The following GIT2 variants were observed in gnomAD, a reference collection of about 807,000 sequenced individuals.
GIT2 encodes the protein GIT ArfGAP 2.
GIT2 carries 32 observed loss-of-function variants against 100.3 expected under a neutral mutation model. That is an observed-to-expected ratio of 0.32 (90% CI 0.24 to 0.43). The LOEUF is 0.43. GIT2 is among the 20% of genes least tolerant of loss of function. The pLI, the probability that GIT2 is intolerant of heterozygous loss-of-function variation, is 1.00. For synonymous variants in GIT2, 353 were observed against 364.1 expected, an observed-to-expected ratio of 0.97 and a Z score of 0.35; for missense variants, 737 against 975.1, an observed-to-expected ratio of 0.76 and a Z score of 3.25.
At chr12:109,999,503 C>T (rs568877117), upstream of GIT2, 4 of 310,536 alleles carry the variant, frequency 1.3e-5, no homozygotes, top group East Asian at 2.2e-4. This position sits in a 1 kb window ranked among gnomAD's most constrained non-coding sequence, Gnocchi z 4.3. Flanking sequence ...CGACCTGGTC[C>T]CTGAGCCGGC....
At chr12:109,942,843 C>A (rs926542897) in intron 16 of GIT2, 1 of 152,134 alleles carries the variant, frequency 6.6e-6, no homozygotes, top group African/African-American at 2.4e-5. Flanking sequence ...GTTACTTACA[C>A]GTTAGTTAAG....
chr12:109,967,758 T>C (rs1344707491), intron 7 of GIT2, among the ~76,000 whole-genome samples: 2 of 152,236 alleles, frequency 1.3e-5, no homozygotes, highest in Non-Finnish European at 2.9e-5. Context: ...ACGATTAGTT[T>C]GCCCTCAGTG....
At chr12:109,956,636 T>C (rs563475531) in intron 12 of GIT2, among the ~76,000 whole-genome samples, 1 of 152,340 alleles carries the variant, frequency 6.6e-6, no homozygotes, top group South Asian at 2.1e-4. Flanking sequence ...TGTATTTATA[T>C]TTACATGTGG....
intron 1 of GIT2, among the ~76,000 whole-genome samples, chr12:109,992,295 C>T (rs531647100): frequency 2.7e-5 from 4 of 150,432 alleles, no homozygotes; most frequent in Non-Finnish European, 4.4e-5. Flanking sequence ...TACAGGCATG[C>T]ACCACCACGC....
intron 4 of GIT2, among the ~76,000 whole-genome samples, chr12:109,987,952 T>C (rs1460725251): frequency 1.3e-5 from 2 of 152,198 alleles, no homozygotes; most frequent in Non-Finnish European, 2.9e-5. Flanking sequence ...CTGTGTACTA[T>C]AGCTTTGAGT....
At chr12:109,995,987 G>C (rs1593181759) in intron 1 of GIT2, 186 bp downstream of exon 1, 2 of 476,278 alleles carry the variant, frequency 4.2e-6, no homozygotes. Context: ...CGAGGGACGG[G>C]GAGGGCGGCG....
chr12:109,946,105 G>T (rs1179795390), intron 15 of GIT2, among the ~76,000 whole-genome samples: 1 of 152,210 alleles, frequency 6.6e-6, no homozygotes, highest in African/African-American at 2.4e-5. Context: ...CTGCACTCCA[G>T]CCTGGGTGAC....
chr12:109,987,157 AG>A (rs1356171964), intron 4 of GIT2, among the ~76,000 whole-genome samples: 4 of 151,490 alleles, frequency 2.6e-5, no homozygotes, highest in African/African-American at 9.7e-5. Context: ...CCGAGGCGGG[AG>A]GATCACGAGG....
intron 7 of GIT2, among the ~76,000 whole-genome samples, chr12:109,972,599 A>G (rs760190329): frequency 2.0e-5 from 3 of 151,742 alleles, no homozygotes; most frequent in Non-Finnish European, 4.4e-5. Context: ...CCTCCCAAGT[A>G]GCTACATGCA....
At chr12:109,978,438 C>A (rs975128030) in intron 7 of GIT2, among the ~76,000 whole-genome samples, 1 of 152,054 alleles carries the variant, frequency 6.6e-6, no homozygotes. Flanking sequence ...TCTGCACACA[C>A]CACTCTTTCT....
intron 9 of GIT2, among the ~76,000 whole-genome samples, chr12:109,961,933 A>G (rs1307271989): frequency 6.6e-6 from 1 of 152,232 alleles, no homozygotes; most frequent in African/African-American, 2.4e-5. Flanking sequence ...GCTAAGAGGC[A>G]TCTAAAGTGC....
intron 18 of GIT2, 77 bp downstream of exon 18, chr12:109,938,303 A>G: frequency 1.0e-6 from 1 of 1,001,456 alleles, no homozygotes; most frequent in Non-Finnish European, 1.5e-6. Context: ...AATAGCTGCC[A>G]TTAGGAACAT....
intron 8 of GIT2, chr12:109,967,231 A>G: frequency 1.1e-6 from 1 of 899,488 alleles, no homozygotes; most frequent in Non-Finnish European, 1.8e-6. Context: ...AACAGTGACA[A>G]TATCACTGGT....
rs114637018 is a variant in GIT2 at position 109,984,014 on chromosome 12, C to T, written c.406-320G>A. On this transcript the variant is annotated intron_variant, in intron 4 of 19. Transcript: ENST00000355312. Reference sequence around the variant, plus strand: ...TGTGAAGAGGTGACTATGCGTGGCTCTGACATACGACAGACCTGAATTTCA... The same window carrying T: ...TGTGAAGAGGTGACTATGCGTGGCTTTGACATACGACAGACCTGAATTTCA... 1.1e-4 allele frequency among the ~76,000 whole-genome samples: 17 copies of T among 152,104 alleles called. 1 individual carries two copies. The highest frequency in any genetic ancestry group is 1.0e-3 in the Admixed American group (16 of 15,268).
chr12:109,989,740 A>G lies in GIT2; in HGVS notation c.249T>C (p.Pro83=), dbSNP rs1482659331. ...NSIWEHSLLD[P]ASIMSGRRKA... is the part of the protein sequence containing the mutation. ...TACGTCTTCCACTCATAATAGACGC[A>G]GGGTCCAGCAAAGAATGCTCCCATA... Residue 83 remains proline, a synonymous_variant, in exon 3 of 20, where the codon CCT becomes CCC. Transcript: ENST00000355312. 3 of 1,605,960 alleles carry G rather than the reference A, an allele frequency of 1.9e-6. No individual in the cohort carries two copies. Among genetic ancestry groups the G allele is most frequent in the South Asian group, 1.1e-5 (1 of 90,898 alleles).
At chr12:109,964,640 C>CACAT (rs1881876957) in intron 9 of GIT2, among the ~76,000 whole-genome samples, 1 of 119,984 alleles carries the variant, frequency 8.3e-6, no homozygotes, top group South Asian at 2.6e-4. Flanking sequence ...CACACACACA[C>CACAT]ACACACACAC....
rs1371909907 is a variant in GIT2, at chr12:109,938,521, C to A, written c.1862G>T (p.Gly621Val). 1 of 1,612,018 alleles carries A rather than the reference C, an allele frequency of 6.2e-7. No individual in the cohort carries two copies. Among genetic ancestry groups the A allele is most frequent in the South Asian group, 1.1e-5 (1 of 90,768 alleles). Reference protein sequence around the residue: ...RQRSMVWPGDGLVPDTAEPHV... With the variant: ...RQRSMVWPGDVLVPDTAEPHV... ...GGGTTCTGCTGTGTCTGGTACCAAG[C>A]CATCCCCTGGCCACACCATACTTCT... The change falls in exon 18 of 20, where the codon GGC (glycine) becomes GTC (valine). Residue 621 changes from glycine (G) to valine (V), a missense_variant. By Grantham distance (109) the Gly-to-Val change is moderately radical (BLOSUM62 -3). This residue lies in a region of GIT2 where 451 missense variants were observed against 543.7 expected (regional missense o/e 0.83). Transcript: ENST00000355312.
At chr12:109,943,489 C>T (rs1017033713) in intron 16 of GIT2, among the ~76,000 whole-genome samples, 1 of 151,860 alleles carries the variant, frequency 6.6e-6, no homozygotes, top group African/African-American at 2.4e-5. Flanking sequence ...CATGCGCCAC[C>T]ACCCGCCGCT....
At chr12:109,966,813 A>G (rs2136479513) in intron 8 of GIT2, among the ~76,000 whole-genome samples, 1 of 152,360 alleles carries the variant, frequency 6.6e-6, no homozygotes, top group East Asian at 1.9e-4. Context: ...TCCTGTAGCA[A>G]TGAACTCATC....
Sources: gnomAD v4.1 joint callset for allele counts (sites outside exome capture counted in the v4.1 genomes callset) on GRCh38, gnomAD v4.1.1 for gene constraint, gnomAD v4.1.1 regional missense constraint, Gnocchi (gnomAD v3.1) non-coding constraint, MANE v1.5 for transcripts, NCBI Gene and HGNC (gene_info 2026-07-23, HGNC 2026-07-21) for gene names.